NEGR1: variants seen among roughly 807,000 people sequenced by gnomAD.
The protein encoded by NEGR1 is IgLON family member 4.
Under a neutral mutation model 40.9 loss-of-function variants are expected in NEGR1, and 10 were observed. That is an observed-to-expected ratio of 0.24 (90% CI 0.15 to 0.42). The LOEUF (loss-of-function observed/expected upper bound fraction) is 0.42. Ranked by LOEUF, NEGR1 falls within the 10% of genes least tolerant of loss-of-function variation. NEGR1 has a pLI of 1.00. For missense variants in NEGR1, 352 were observed against 438.9 expected (o/e 0.80, Z 1.77); for synonymous variants, 185 against 166.8 (o/e 1.11, Z -0.84).
chr1:72,092,530 C>T (rs915872610), intron 1 of NEGR1, among the ~76,000 whole-genome samples: 4 of 152,138 alleles, frequency 2.6e-5, no homozygotes, highest in Admixed American at 6.6e-5. Context: ...TTTTACTTAA[C>T]ATGAATGACA....
intron 4 of NEGR1, among the ~76,000 whole-genome samples, chr1:71,655,498 G>T (rs2101585939): frequency 6.6e-6 from 1 of 152,266 alleles, no homozygotes; most frequent in Non-Finnish European, 1.5e-5. Flanking sequence ...TACAGTGAAT[G>T]CTCCTTTAGT....
chr1:71,839,578 CA>C (rs905146993), intron 2 of NEGR1, among the ~76,000 whole-genome samples: 11 of 151,902 alleles, frequency 7.2e-5, no homozygotes, highest in Admixed American at 5.9e-4. Context: ...AGAAATAATA[CA>C]AATTAAAATT....
chr1:72,012,659 CT>C (rs1250658614), intron 1 of NEGR1, among the ~76,000 whole-genome samples: 2 of 151,740 alleles, frequency 1.3e-5, no homozygotes, highest in Non-Finnish European at 2.9e-5. Flanking sequence ...GCCAGACCCT[CT>C]TTTTTTTCTT....
rs116308552 is a variant in NEGR1, at chr1:71,438,691, C to G, written c.941-31121G>C. ...ATGCTGTGATGAACTGGTCTTTATC[C>G]AAGCTCACAATTTTGGTTATCAAAG... On this transcript the variant is annotated intron_variant, in intron 6 of 6. Coordinates refer to ENST00000357731, the MANE Select transcript of NEGR1 (RefSeq NM_173808.3). Among the ~76,000 whole-genome samples, 852 of 152,288 alleles carry G rather than the reference C, an allele frequency of 5.6e-3. 9 individuals are homozygous for G. Among genetic ancestry groups the G allele is most frequent in the African/African-American group, 0.019 (810 of 41,552 alleles).
intron 1 of NEGR1, among the ~76,000 whole-genome samples, chr1:72,179,481 T>C (rs1192682996): frequency 6.6e-6 from 1 of 152,122 alleles, no homozygotes; most frequent in African/African-American, 2.4e-5. Flanking sequence ...GAGAAATTCA[T>C]TAGCTCAGGT....
chr1:71,616,154 C>A (rs2101548010), intron 4 of NEGR1, among the ~76,000 whole-genome samples: 1 of 152,270 alleles, frequency 6.6e-6, no homozygotes, highest in Non-Finnish European at 1.5e-5. Context: ...TCTTATGAAT[C>A]TTTTATTGCA....
At chr1:71,629,682 C>T (rs562765145) in intron 4 of NEGR1, among the ~76,000 whole-genome samples, 11 of 152,060 alleles carry the variant, frequency 7.2e-5, no homozygotes, top group African/African-American at 2.2e-4. Flanking sequence ...TCTCTATTTG[C>T]AGATGACATG....
At chr1:71,695,714 T>C (rs929928493) in intron 4 of NEGR1, among the ~76,000 whole-genome samples, 13 of 151,760 alleles carry the variant, frequency 8.6e-5, no homozygotes, top group African/African-American at 3.1e-4. Context: ...GTCTTTCACA[T>C]TTCTGCACAC....
intron 1 of NEGR1, among the ~76,000 whole-genome samples, chr1:71,942,478 TATA>T (rs1645973059): frequency 5.6e-5 from 1 of 17,920 alleles, no homozygotes; most frequent in East Asian, 1.8e-3. Flanking sequence ...TATATATATA[TATA>T]TATTTTTTTT....
At chr1:72,171,303 T>A (rs1651955493) in intron 1 of NEGR1, among the ~76,000 whole-genome samples, 1 of 152,166 alleles carries the variant, frequency 6.6e-6, no homozygotes. Context: ...GAATGCTATA[T>A]CTCTCTAAAT....
chr1:71,723,030 GA>G (rs3077143), intron 3 of NEGR1, among the ~76,000 whole-genome samples: 56,214 of 149,194 alleles, frequency 0.38, 10,993 homozygotes, highest in East Asian at 0.64. Flanking sequence ...GAAAGTTTCT[GA>G]AAAAAAAAAC....
rs1434991255 is a variant in NEGR1 at position 72,148,249 on chromosome 1, C to T, written c.176+134070G>A. Among the ~76,000 whole-genome samples, 4 of 152,234 alleles carry T rather than the reference C, an allele frequency of 2.6e-5. No homozygotes were observed. The East Asian group carries it at 7.7e-4, about 29-fold the overall frequency. On this transcript the variant is annotated intron_variant, in intron 1 of 6. Coordinates refer to ENST00000357731, the MANE Select transcript of NEGR1 (RefSeq NM_173808.3). ...CCTTTGAAATCTAGACGGAGGTTCC[C>T]AAACCTCCAATTCTTGACCTGTGCA...
intron 1 of NEGR1, among the ~76,000 whole-genome samples, chr1:72,009,265 C>T (rs1469398524): frequency 6.6e-6 from 1 of 151,958 alleles, no homozygotes; most frequent in Non-Finnish European, 1.5e-5. Flanking sequence ...CGTGTGGTTC[C>T]TTTATTGTCA....
At chr1:72,177,888 T>A (rs1652234343) in intron 1 of NEGR1, among the ~76,000 whole-genome samples, 1 of 151,798 alleles carries the variant, frequency 6.6e-6, no homozygotes, top group African/African-American at 2.4e-5. Context: ...GCCAATAAGG[T>A]CTCCATTGAG....
At chr1:72,053,478 C>A (rs1416722091) in intron 1 of NEGR1, among the ~76,000 whole-genome samples, 1 of 150,780 alleles carries the variant, frequency 6.6e-6, no homozygotes, top group Non-Finnish European at 1.5e-5. Context: ...TATACTCTTG[C>A]CAGTTAAATT....
chr1:71,449,791 A>T (rs1228589540), intron 6 of NEGR1, among the ~76,000 whole-genome samples: 3 of 152,092 alleles, frequency 2.0e-5, no homozygotes, highest in Non-Finnish European at 4.4e-5. Flanking sequence ...CATTAAATGG[A>T]CTCAGGGCTC....
intron 1 of NEGR1, among the ~76,000 whole-genome samples, chr1:71,983,249 C>T (rs912743899): frequency 4.6e-5 from 7 of 152,124 alleles, no homozygotes; most frequent in South Asian, 2.1e-4. Context: ...AAACTATTTA[C>T]TATTATGAAA....
intron 6 of NEGR1, among the ~76,000 whole-genome samples, chr1:71,575,205 G>C (rs978255468): frequency 6.6e-6 from 1 of 152,130 alleles, no homozygotes; most frequent in East Asian, 1.9e-4. Context: ...TAAGAGCCTG[G>C]TAATTTATAT....
chr1:72,065,215 T>C (rs1647244460), intron 1 of NEGR1, among the ~76,000 whole-genome samples: 1 of 152,100 alleles, frequency 6.6e-6, no homozygotes, highest in Non-Finnish European at 1.5e-5. Context: ...TTGCACACTG[T>C]ATTATTACTT....
Sources: gnomAD v4.1 joint callset for allele counts (sites outside exome capture counted in the v4.1 genomes callset) on GRCh38, gnomAD v4.1.1 for gene constraint, MANE v1.5 for transcripts, NCBI Gene and HGNC (gene_info 2026-07-23, HGNC 2026-07-21) for gene names.